TGFBR3: variants seen among roughly 807,000 people sequenced by gnomAD.
TGFBR3 encodes transforming growth factor beta receptor 3, also known as transforming growth factor beta receptor type 3.
TGFBR3 carries 46 observed loss-of-function variants against 87.9 expected under a neutral mutation model. The ratio of observed to expected loss-of-function variants is 0.52; its 90% CI spans 0.41 to 0.67. The LOEUF (loss-of-function observed/expected upper bound fraction) is 0.67. Ranked by LOEUF, TGFBR3 falls within the 30% of genes least tolerant of loss-of-function variation. The pLI is 0.00. For missense variants in TGFBR3, 866 were observed against 1,041.9 expected (o/e 0.83, Z 2.32); for synonymous variants, 381 against 391.6 (o/e 0.97, Z 0.32).
chr1:91,839,805 T>C (rs1677200526), intron 2 of TGFBR3, among the ~76,000 whole-genome samples: 1 of 152,094 alleles, frequency 6.6e-6, no homozygotes, highest in Non-Finnish European at 1.5e-5. Context: ...AAAAAGAACA[T>C]TAGTAGAAAA....
intron 2 of TGFBR3, among the ~76,000 whole-genome samples, chr1:91,802,146 T>C (rs911571260): frequency 2.6e-5 from 4 of 152,080 alleles, no homozygotes; most frequent in Non-Finnish European, 5.9e-5. Flanking sequence ...AGAGGCAGTG[T>C]GATTGTATGA....
At chr1:91,871,071 C>A (rs1678565599) in intron 1 of TGFBR3, among the ~76,000 whole-genome samples, 6 of 151,910 alleles carry the variant, frequency 3.9e-5, no homozygotes. Flanking sequence ...CTAAGCAACC[C>A]CAAGTCACCA....
At chr1:91,714,719 C>T (rs1672099108) in intron 12 of TGFBR3, among the ~76,000 whole-genome samples, 1 of 152,202 alleles carries the variant, frequency 6.6e-6, no homozygotes, top group Non-Finnish European at 1.5e-5. Flanking sequence ...TTATGCAGCA[C>T]CCCTGAAATC....
chr1:91,789,106 G>C (rs1675084922), intron 3 of TGFBR3, among the ~76,000 whole-genome samples: 1 of 152,158 alleles, frequency 6.6e-6, no homozygotes, highest in Admixed American at 6.5e-5. Flanking sequence ...GGCCATCCTG[G>C]CCAACATGGT....
intron 1 of TGFBR3, among the ~76,000 whole-genome samples, chr1:91,876,019 A>AG (rs1435388904): frequency 1.3e-5 from 2 of 150,446 alleles, no homozygotes; most frequent in Admixed American, 1.3e-4. Flanking sequence ...AACCAAGAAA[A>AG]AAAATGGGGG....
At chr1:91,698,890 T>C (rs1394800873) in intron 14 of TGFBR3, among the ~76,000 whole-genome samples, 2 of 152,170 alleles carry the variant, frequency 1.3e-5, no homozygotes, top group Non-Finnish European at 2.9e-5. Context: ...TCCTATAGTT[T>C]AACTCCCCTT....
At chr1:91,887,595 T>TA (rs1679361967), upstream of TGFBR3, among the ~76,000 whole-genome samples, 1 of 151,990 alleles carries the variant, frequency 6.6e-6, no homozygotes, top group Non-Finnish European at 1.5e-5. Context: ...TGTTGGAGAG[T>TA]AGAATGAGGA....
At chr1:91,887,236 CTTTTTTTT>C (rs71087977), upstream of TGFBR3, among the ~76,000 whole-genome samples, 23 of 41,414 alleles carry the variant, frequency 5.6e-4, no homozygotes, top group South Asian at 4.1e-3. Context: ...GGACCTATGC[CTTTTTTTT>C]TTTTTTTTTT....
intron 1 of TGFBR3, among the ~76,000 whole-genome samples, chr1:91,881,977 T>C (rs1339324155): frequency 6.6e-6 from 1 of 151,536 alleles, no homozygotes; most frequent in Non-Finnish European, 1.5e-5. Flanking sequence ...AGGCGGAGGT[T>C]GCAGTGAGCC....
At chr1:91,899,174 G>T (rs547498181) in intron 2 of TGFBR3, among the ~76,000 whole-genome samples, 1 of 152,272 alleles carries the variant, frequency 6.6e-6, no homozygotes, top group South Asian at 2.1e-4. Context: ...AGAATGTGAG[G>T]TGACAAATAT....
At chr1:91,890,854 C>G (rs928055632), upstream of TGFBR3, among the ~76,000 whole-genome samples, 14 of 152,054 alleles carry the variant, frequency 9.2e-5, no homozygotes, top group African/African-American at 3.1e-4. Context: ...CCACTTTGTG[C>G]TACAGGTGAA....
In TGFBR3 at chr1:91,837,571, G is replaced by C. The variant is rs141665520; in HGVS notation, c.61+23900C>G. On this transcript the variant is annotated intron_variant, in intron 2 of 16. Coordinates refer to ENST00000212355, the MANE Select transcript of TGFBR3 (RefSeq NM_003243.5). ...TAAGGATATAATGGATATGCAACCCGAGTCTACTTCAACAGAGACATCAGT... is the reference window on the plus strand; with the variant it reads ...TAAGGATATAATGGATATGCAACCCCAGTCTACTTCAACAGAGACATCAGT... Among the ~76,000 whole-genome samples, 1,368 of 152,174 alleles carry C rather than the reference G, an allele frequency of 9.0e-3. 23 individuals are homozygous for C. Among genetic ancestry groups the C allele is most frequent in the African/African-American group, 0.03 (1,265 of 41,508 alleles).
chr1:91,819,028 G>C (rs372734567), intron 2 of TGFBR3, among the ~76,000 whole-genome samples: 3 of 152,038 alleles, frequency 2.0e-5, no homozygotes, highest in African/African-American at 4.8e-5. Context: ...CACCTTCTTT[G>C]GGGGACCTAA....
At chr1:91,719,788 C>T in intron 9 of TGFBR3, 105 bp downstream of exon 9, 1 of 1,286,402 alleles carries the variant, frequency 7.8e-7, no homozygotes, top group South Asian at 1.2e-5. Context: ...TATCAAGCCT[C>T]CGGAGTTCAA....
intron 2 of TGFBR3, among the ~76,000 whole-genome samples, chr1:91,850,154 A>C (rs2101141987): frequency 6.6e-6 from 1 of 152,064 alleles, no homozygotes; most frequent in African/African-American, 2.4e-5. Flanking sequence ...CTAACCCCAA[A>C]GTCTCTCCCC....
chr1:91,729,307 CACACACAG>C (rs1478815822), intron 6 of TGFBR3, among the ~76,000 whole-genome samples: 2 of 145,352 alleles, frequency 1.4e-5, no homozygotes, highest in African/African-American at 2.5e-5. Context: ...CACACACACA[CACACACAG>C]ATTTAACGCA....
chr1:91,763,186 T>C (rs1674036021), intron 3 of TGFBR3, among the ~76,000 whole-genome samples: 1 of 152,230 alleles, frequency 6.6e-6, no homozygotes, highest in Admixed American at 6.5e-5. Context: ...CCAAGATTCA[T>C]AATATAGATG....
At chr1:91,884,637 C>T (rs1679224524) in intron 1 of TGFBR3, among the ~76,000 whole-genome samples, 1 of 152,190 alleles carries the variant, frequency 6.6e-6, no homozygotes, top group Non-Finnish European at 1.5e-5. Flanking sequence ...TGATCTTGGA[C>T]AAGTAACTTA....
At chr1:91,780,487 G>A (rs1674719300) in intron 3 of TGFBR3, among the ~76,000 whole-genome samples, 1 of 148,416 alleles carries the variant, frequency 6.7e-6, no homozygotes, top group South Asian at 2.2e-4. Flanking sequence ...GCATATTTAT[G>A]AGACAGAGTA....
Sources: allele counts gnomAD v4.1 joint callset (sites outside exome capture counted in the v4.1 genomes callset), GRCh38; gene constraint gnomAD v4.1.1; transcripts MANE v1.5; gene names NCBI Gene and HGNC (gene_info 2026-07-23, HGNC 2026-07-21).